IL1RAPL1: variants seen among roughly 807,000 people sequenced by gnomAD.
IL1RAPL1 encodes interleukin 1 receptor accessory protein like 1.
Under a neutral mutation model 48.4 loss-of-function variants are expected in IL1RAPL1, and 3 were observed. The ratio of observed to expected loss-of-function variants is 0.06; its 90% CI spans 0.03 to 0.16. The LOEUF is 0.16. IL1RAPL1 is among the 10% of genes least tolerant of loss of function. IL1RAPL1 has a pLI of 1.00. For missense variants in IL1RAPL1, 349 were observed against 530.6 expected (o/e 0.66, Z 3.36); for synonymous variants, 185 against 187.7 (o/e 0.99, Z 0.12).
chrX:29,686,943 A>G (rs890953424), intron 6 of IL1RAPL1, among the ~76,000 whole-genome samples: 1 of 109,436 alleles, frequency 9.1e-6, no homozygotes, highest in African/African-American at 3.4e-5. Flanking sequence ...TCAAATCTAC[A>G]GTGAGATATC....
intron 2 of IL1RAPL1, among the ~76,000 whole-genome samples, chrX:28,857,786 A>G (rs1228851150): frequency 8.9e-6 from 1 of 111,996 alleles, no homozygotes; most frequent in African/African-American, 3.2e-5. Context: ...TACTAACACA[A>G]TATCCATTCT....
intron 1 of IL1RAPL1, among the ~76,000 whole-genome samples, chrX:28,771,761 G>A (rs892096631): frequency 3.6e-5 from 4 of 109,889 alleles, no homozygotes; most frequent in Non-Finnish European, 7.6e-5. Flanking sequence ...ATATAATGTA[G>A]GCCAATGGAT....
intron 5 of IL1RAPL1, among the ~76,000 whole-genome samples, chrX:29,469,603 A>G (rs991342547): frequency 9.0e-6 from 1 of 111,692 alleles, no homozygotes; most frequent in Non-Finnish European, 1.9e-5. Context: ...TGAAGTACCA[A>G]TATATCTCTT....
intron 2 of IL1RAPL1, among the ~76,000 whole-genome samples, chrX:29,129,896 T>C (rs1160931718): frequency 9.0e-6 from 1 of 111,484 alleles, no homozygotes; most frequent in East Asian, 2.8e-4. Flanking sequence ...GCCCGGCCAA[T>C]AGTGTAAAAT....
At chrX:29,531,950 G>A (rs760564870) in intron 5 of IL1RAPL1, among the ~76,000 whole-genome samples, 1 of 112,147 alleles carries the variant, frequency 8.9e-6, no homozygotes, top group South Asian at 3.8e-4. Flanking sequence ...TAACCTAATG[G>A]ACTATATTTG....
chrX:28,651,963 A>G (rs1167626296), intron 1 of IL1RAPL1, among the ~76,000 whole-genome samples: 2 of 111,626 alleles, frequency 1.8e-5, no homozygotes, highest in African/African-American at 3.3e-5. Flanking sequence ...AAATCCCTCC[A>G]CAAGAACATT....
chrX:29,123,659 G>A (rs1037689118), intron 2 of IL1RAPL1, among the ~76,000 whole-genome samples: 2 of 111,121 alleles, frequency 1.8e-5, no homozygotes, highest in African/African-American at 6.5e-5. Context: ...AGGAGAAAAT[G>A]TGGTGTTTTA....
At chrX:29,421,012 T>C (rs1033466904) in intron 5 of IL1RAPL1, among the ~76,000 whole-genome samples, 1 of 111,928 alleles carries the variant, frequency 8.9e-6, no homozygotes, top group African/African-American at 3.2e-5. Context: ...TGAAGTGTTT[T>C]TAAAAGCATG....
At chrX:29,512,947 T>C (rs984834080) in intron 5 of IL1RAPL1, among the ~76,000 whole-genome samples, 38 of 112,026 alleles carry the variant, frequency 3.4e-4, no homozygotes, top group African/African-American at 1.2e-3. Context: ...CATGAAAATA[T>C]AACCTAAAAG....
intron 2 of IL1RAPL1, among the ~76,000 whole-genome samples, chrX:29,245,289 C>G (rs1023616108): frequency 1.8e-5 from 2 of 110,898 alleles, no homozygotes; most frequent in Non-Finnish European, 3.8e-5. Flanking sequence ...GGGTATATAC[C>G]CAGTAATGGG....
At chrX:28,907,846 C>T (rs1923259462) in intron 2 of IL1RAPL1, among the ~76,000 whole-genome samples, 2 of 111,642 alleles carry the variant, frequency 1.8e-5, no homozygotes, top group Admixed American at 1.9e-4. Flanking sequence ...GGTAGAATTT[C>T]CTGGTGAAAT....
intron 5 of IL1RAPL1, among the ~76,000 whole-genome samples, chrX:29,425,861 CACCG>C (rs1934345193): frequency 9.0e-6 from 1 of 111,381 alleles, no homozygotes. Flanking sequence ...AGGCATGAAC[CACCG>C]TGCCTGGCCT....
intron 5 of IL1RAPL1, among the ~76,000 whole-genome samples, chrX:29,489,735 C>A (rs1935135472): frequency 9.0e-6 from 1 of 111,072 alleles, no homozygotes; most frequent in South Asian, 3.8e-4. Flanking sequence ...TATCTGCCAC[C>A]AACATCTTAT....
At chrX:29,333,963 C>T (rs1932930727) in intron 3 of IL1RAPL1, among the ~76,000 whole-genome samples, 1 of 94,981 alleles carries the variant, frequency 1.1e-5, no homozygotes, top group Non-Finnish European at 2.2e-5. Context: ...GGGCGGCTGG[C>T]CGGGCGGGGG....
intron 5 of IL1RAPL1, among the ~76,000 whole-genome samples, chrX:29,510,750 C>G (rs1479709567): frequency 8.9e-6 from 1 of 111,780 alleles, no homozygotes; most frequent in Non-Finnish European, 1.9e-5. Flanking sequence ...ACACTTTCTT[C>G]TAGTCATACG....
At chrX:29,890,404 C>G (rs1273024366) in intron 6 of IL1RAPL1, among the ~76,000 whole-genome samples, 1 of 111,782 alleles carries the variant, frequency 8.9e-6, no homozygotes, top group Non-Finnish European at 1.9e-5. Flanking sequence ...AACCATGTGC[C>G]GCCAGGCTGC....
intron 6 of IL1RAPL1, among the ~76,000 whole-genome samples, chrX:29,813,381 C>T (rs934255857): frequency 9.0e-6 from 1 of 110,930 alleles, no homozygotes; most frequent in African/African-American, 3.3e-5. Context: ...ATGTCATCTT[C>T]TTACTAGCCA....
At chrX:28,935,736 T>C (rs937801479) in intron 2 of IL1RAPL1, among the ~76,000 whole-genome samples, 3 of 111,902 alleles carry the variant, frequency 2.7e-5, no homozygotes, top group African/African-American at 9.7e-5. Flanking sequence ...GAATAATTTA[T>C]GAATTAACAT....
At chrX:29,837,296 T>TACACACACAC (rs1477568334) in intron 6 of IL1RAPL1, among the ~76,000 whole-genome samples, 3 of 74,621 alleles carry the variant, frequency 4.0e-5, no homozygotes, top group African/African-American at 2.0e-4. Context: ...TATATATATA[T>TACACACACAC]ATATACACAC....
Sources: allele counts gnomAD v4.1 joint callset (sites outside exome capture counted in the v4.1 genomes callset), GRCh38; gene constraint gnomAD v4.1.1; transcripts MANE v1.5; gene names NCBI Gene and HGNC (gene_info 2026-07-23, HGNC 2026-07-21).